CHL1: variants seen among roughly 807,000 people sequenced by gnomAD.
CHL1 encodes cell adhesion molecule L1 like.
Under a neutral mutation model 141.9 loss-of-function variants are expected in CHL1, and 96 were observed. That is an observed-to-expected ratio of 0.68 (90% CI 0.57 to 0.80). CHL1 has a LOEUF of 0.80. CHL1 is among the 30% of genes least tolerant of loss of function. The pLI is 0.00. For missense variants in CHL1, 1,820 were observed against 1,457.2 expected (o/e 1.25, Z -4.05); for synonymous variants, 613 against 502.2 (o/e 1.22, Z -2.95).
rs1003784258 is a variant in CHL1, at chr3:257,356, T to C, written c.-95+12664T>C. 4.2e-4 allele frequency among the ~76,000 whole-genome samples: 62 copies of C among 148,388 alleles called. 1 individual carries two copies. Among genetic ancestry groups the C allele is most frequent in the Admixed American group, 3.4e-3 (51 of 14,958 alleles). The stretch of plus-strand genomic sequence containing the variant: ...CTCCTTTTCTTCTTTTCTTCTTCTT[T>C]TTTTTTTTTTTTTGTGAGACAGAGT... On this transcript the variant is annotated intron_variant, in intron 2 of 27. Transcript: ENST00000256509.
At chr3:338,719 A>T (rs1702130020) in intron 5 of CHL1, among the ~76,000 whole-genome samples, 1 of 152,216 alleles carries the variant, frequency 6.6e-6, no homozygotes, top group Non-Finnish European at 1.5e-5. Flanking sequence ...CTGAAGATTT[A>T]TGGCACGCGA....
chr3:398,421 C>T (rs1708856150), intron 25 of CHL1, 36 bp downstream of exon 25: 2 of 1,397,544 alleles, frequency 1.4e-6, no homozygotes, highest in Non-Finnish European at 2.0e-6. Flanking sequence ...AAGTCTTAGT[C>T]AATCTATGTC....
intron 15 of CHL1, among the ~76,000 whole-genome samples, chr3:367,562 C>T (rs1246189318): frequency 2.0e-5 from 3 of 152,162 alleles, no homozygotes; most frequent in Non-Finnish European, 2.9e-5. Context: ...ACATACAGAG[C>T]ACTTAGAAAA....
intron 2 of CHL1, among the ~76,000 whole-genome samples, chr3:285,602 G>T (rs1221804657): frequency 6.6e-6 from 1 of 152,064 alleles, no homozygotes; most frequent in Admixed American, 6.5e-5. Context: ...TGTACTCTCA[G>T]GCAAACTACG....
chr3:358,370 T>G (rs1379863931), intron 11 of CHL1, among the ~76,000 whole-genome samples: 2 of 152,200 alleles, frequency 1.3e-5, no homozygotes, highest in Non-Finnish European at 2.9e-5. Context: ...TCAGGAGCTT[T>G]GTGATTACAT....
At chr3:372,847 G>T (rs1439830506) in intron 15 of CHL1, among the ~76,000 whole-genome samples, 14 of 150,992 alleles carry the variant, frequency 9.3e-5, no homozygotes, top group African/African-American at 3.2e-4. Flanking sequence ...TCTTTCAATG[G>T]TCAGGTCTAC....
chr3:198,101 G>A (rs879921983), intron 1 of CHL1: 3 of 283,058 alleles, frequency 1.1e-5, no homozygotes, highest in East Asian at 1.0e-4. Context: ...AGGTACCCCC[G>A]CCCCAGACGG....
At chr3:330,567 G>GA (rs1701356201) in intron 5 of CHL1, among the ~76,000 whole-genome samples, 2 of 151,900 alleles carry the variant, frequency 1.3e-5, no homozygotes, top group African/African-American at 4.8e-5. Flanking sequence ...ATTAAAAAAA[G>GA]AAAAAATCTA....
chr3:316,169 C>G (rs543255625), intron 2 of CHL1, among the ~76,000 whole-genome samples: 1 of 151,970 alleles, frequency 6.6e-6, no homozygotes, highest in Non-Finnish European at 1.5e-5. Context: ...GAAGATGGAG[C>G]CACCATTTTT....
chr3:225,675 T>C (rs1324757767), intron 1 of CHL1, among the ~76,000 whole-genome samples: 1 of 152,098 alleles, frequency 6.6e-6, no homozygotes, highest in African/African-American at 2.4e-5. Context: ...AAACAATAAT[T>C]GTACTCTTCT....
intron 5 of CHL1, among the ~76,000 whole-genome samples, chr3:338,826 T>C (rs115204845): frequency 0.011 from 1,741 of 152,332 alleles, 31 homozygotes; most frequent in African/African-American, 0.04. Context: ...AGAATTAGAA[T>C]TGTATAATCT....
At chr3:241,515 A>G (rs1243518799) in intron 1 of CHL1, among the ~76,000 whole-genome samples, 1 of 151,656 alleles carries the variant, frequency 6.6e-6, no homozygotes, top group African/African-American at 2.4e-5. Context: ...GTGTACCCTC[A>G]TAACCCAGTT....
At chr3:312,712 G>A (rs781625481) in intron 2 of CHL1, among the ~76,000 whole-genome samples, 2 of 152,180 alleles carry the variant, frequency 1.3e-5, no homozygotes, top group Non-Finnish European at 2.9e-5. Context: ...ACTCCATCAT[G>A]AAAATGTCAA....
At chr3:363,462 C>A (rs1156953947) in intron 14 of CHL1, 79 bp downstream of exon 14, 5 of 1,289,178 alleles carry the variant, frequency 3.9e-6, no homozygotes, top group Admixed American at 2.2e-5. Context: ...TGGAATAATA[C>A]CATTTAAGTT....
chr3:242,456 C>T (rs554449673), intron 1 of CHL1, among the ~76,000 whole-genome samples: 17 of 144,898 alleles, frequency 1.2e-4, no homozygotes, highest in East Asian at 6.1e-4. Flanking sequence ...ATTATCCCGG[C>T]GTGGTGGTGG....
At chr3:289,263 A>T (rs1276977374) in intron 2 of CHL1, among the ~76,000 whole-genome samples, 1 of 152,216 alleles carries the variant, frequency 6.6e-6, no homozygotes, top group South Asian at 2.1e-4. Context: ...TATCTTAAAG[A>T]CATAAAAACT....
chr3:252,369 T>TATAG (rs1693777083), intron 2 of CHL1, among the ~76,000 whole-genome samples: 1 of 116,438 alleles, frequency 8.6e-6, no homozygotes, highest in Non-Finnish European at 1.9e-5. Flanking sequence ...CAGATATATA[T>TATAG]ATATATATAT....
chr3:270,562 G>A (rs951645550), intron 2 of CHL1, among the ~76,000 whole-genome samples: 3 of 152,158 alleles, frequency 2.0e-5, no homozygotes, highest in African/African-American at 7.2e-5. Flanking sequence ...AGTTTCCGTT[G>A]AACCAAGCTG....
chr3:260,753 AG>A (rs1179317608), intron 2 of CHL1, among the ~76,000 whole-genome samples: 7 of 152,224 alleles, frequency 4.6e-5, no homozygotes, highest in African/African-American at 1.4e-4. Context: ...CTTCCTTGGA[AG>A]GAGAAACTCT....
Sources: allele counts gnomAD v4.1 joint callset (sites outside exome capture counted in the v4.1 genomes callset), GRCh38; gene constraint gnomAD v4.1.1; transcripts MANE v1.5; gene names NCBI Gene and HGNC (gene_info 2026-07-23, HGNC 2026-07-21).